The following PAGE4 variants were observed in gnomAD, a reference collection of about 807,000 sequenced individuals.
PAGE4 encodes the protein PAGE family member 4.
PAGE4 carries 1 observed loss-of-function variant against 8.5 expected under a neutral mutation model. The observed-to-expected ratio is 0.12, with a 90% confidence interval of 0.04 to 0.56. The LOEUF is 0.56. Ranked by LOEUF, PAGE4 falls within the 20% of genes least tolerant of loss-of-function variation. The probability of loss-of-function intolerance (pLI) is 0.91; values close to 1 mark genes in which losing one functional copy is unlikely to be tolerated. For missense variants in PAGE4, 93 were observed against 82.7 expected (o/e 1.13, Z -0.49); for synonymous variants, 26 against 26.3 (o/e 0.99, Z 0.04).
intron 1 of PAGE4, chrX:49,830,179 AC>A: frequency 3.2e-6 from 1 of 307,776 alleles, no homozygotes; most frequent in Non-Finnish European, 5.6e-6. Flanking sequence ...TTTAGGAAAG[AC>A]CCCATGTTTT....
chrX:49,831,788 T>C (rs1181410073), intron 3 of PAGE4, among the ~76,000 whole-genome samples: 2 of 112,173 alleles, frequency 1.8e-5, no homozygotes, highest in Non-Finnish European at 3.8e-5. Context: ...CTGTTTACTC[T>C]GTAAGTAATT....
chrX:49,831,906 A>G (rs1602883444), intron 3 of PAGE4, among the ~76,000 whole-genome samples: 1 of 111,932 alleles, frequency 8.9e-6, no homozygotes, highest in Non-Finnish European at 1.9e-5. Flanking sequence ...AGTCCATTGC[A>G]GTTTTGTCAA....
At chrX:49,831,410 A>T (rs1431234798) in intron 3 of PAGE4, 3 of 214,850 alleles carry the variant, frequency 1.4e-5, no homozygotes, top group Non-Finnish European at 2.4e-5. Flanking sequence ...TTGGGATATT[A>T]TTTTTCTGGG....
At chrX:49,830,581 C>A in intron 2 of PAGE4, 75 bp downstream of exon 2, 1 of 716,448 alleles carries the variant, frequency 1.4e-6, no homozygotes, top group South Asian at 2.6e-5. Context: ...ACATTGTTAA[C>A]CAATATAGAT....
At position 49,830,433 on chromosome X, in the gene PAGE4, G is replaced by A; in HGVS notation, c.5G>A (p.Ser2Asn). 1.7e-6 allele frequency: 2 copies of A among 1,198,941 alleles called. No homozygotes were observed. Among genetic ancestry groups the A allele is most frequent in the South Asian group, 3.6e-5 (2 of 55,638 alleles). Residue 2 changes from serine to asparagine, a missense_variant, in exon 2 of 5, where the codon AGT (serine) becomes AAT (asparagine). Coordinates refer to ENST00000218068, the MANE Select transcript of PAGE4 (RefSeq NM_007003.4). The stretch of plus-strand genomic sequence containing the variant: ...CACGATCTTCTAGTTGCAGCGATGA[G>A]TGCACGAGTGAGATCAAGATCCAGA... MSARVRSRSRGR... is the reference protein window; with the variant it reads MNARVRSRSRGR...
Position 49,834,001 on chromosome X carries a change from A to G in PAGE4, c.*139A>G, listed in dbSNP as rs1923553975. 4.3e-6 allele frequency: 2 copies of G among 463,941 alleles called. No individual in the cohort carries two copies. Among genetic ancestry groups the G allele is most frequent in the Admixed American group, 3.6e-5 (1 of 27,941 alleles). The allele number at this position is 463,941 out of a possible 1,213,427, so 38.2% of individuals were successfully genotyped here. A position where few individuals can be genotyped will look rare whatever the true frequency, so the allele number is the denominator to read the frequency against. ...CGTGTCTTTTGTAAAATTTATTCCT[A>G]GGAAATTGACACTATTGTAAATGGT... On this transcript the variant is annotated 3_prime_UTR_variant, in exon 5 of 5. Transcript: ENST00000218068.
Position 49,834,153 on chromosome X carries a change from C to T in PAGE4, c.*291C>T, listed in dbSNP as rs1471264000. Among the ~76,000 whole-genome samples the T allele has an allele frequency of 2.7e-5, 3 of 111,719 alleles. No individual in the cohort carries two copies. The Admixed American group carries it at 2.8e-4, about 11-fold the overall frequency. On this transcript the variant is annotated 3_prime_UTR_variant, in exon 5 of 5. Transcript: ENST00000218068. ...ATCCCTACGTCCTTTTGGATTTTCTCCATACACAATCATACCACATGTAAA... is the reference window on the plus strand; with the variant it reads ...ATCCCTACGTCCTTTTGGATTTTCTTCATACACAATCATACCACATGTAAA...
In PAGE4 at chrX:49,831,073, C is replaced by G; in HGVS notation, c.155C>G (p.Pro52Arg). 1 of 1,168,081 alleles carries G rather than the reference C, an allele frequency of 8.6e-7. No homozygotes were observed. The highest frequency in any genetic ancestry group is 1.8e-5 in the African/African-American group (1 of 56,653). ...IEPGQEREGTPPIEERKVEGD... is the reference protein window; with the variant it reads ...IEPGQEREGTRPIEERKVEGD... ...CCTGGACAAGAGAGAGAAGGAACAC[C>G]TCCGATCGAAGGTGAGAAGGGCATG... The change falls in exon 3 of 5, where the codon CCT (proline) becomes CGT (arginine). Residue 52 changes from proline to arginine, a missense_variant. By Grantham distance (103) the Pro-to-Arg change is moderately radical. Transcript: ENST00000218068.
At chrX:49,832,447 G>A in intron 3 of PAGE4, 78 bp from the exon 4 acceptor site, 2 of 651,180 alleles carry the variant, frequency 3.1e-6, no homozygotes, top group Non-Finnish European at 4.6e-6. Context: ...TAGAATACAA[G>A]CCTACAGAGC....
chrX:49,832,463 TTAA>T (rs1287572220), intron 3 of PAGE4, 59 bp from the exon 4 acceptor site: 2 of 793,421 alleles, frequency 2.5e-6, no homozygotes, highest in Admixed American at 6.8e-5. Flanking sequence ...AGAGCTTTAT[TTAA>T]TAACACTAAT....
rs73485697 is a variant in PAGE4, at chrX:49,829,328, G to C, written c.-54G>C. On this transcript the variant is annotated 5_prime_UTR_variant, in exon 1 of 5. Coordinates refer to ENST00000218068, the MANE Select transcript of PAGE4 (RefSeq NM_007003.4). ...GCCACTTCTCTTCCCTTCATTCTTC[G>C]CCAGGCTCTCTGCTGACTCAAGTGT... 2.7e-5 allele frequency: 3 copies of C among 112,303 alleles called. No homozygotes were observed. The highest frequency in any genetic ancestry group is 9.8e-5 in the African/African-American group (3 of 30,723). The allele number at this position is 112,303 out of a possible 1,213,427, so 9.3% of individuals were successfully genotyped here.
rs1923507774 is a variant in PAGE4, at chrX:49,832,546, G to C, written c.188G>C (p.Cys63Ser). The C allele has an allele frequency of 8.4e-7, 1 of 1,188,932 alleles. No individual in the cohort carries two copies. Residue 63 changes from cysteine (C) to serine (S), a missense_variant, in exon 4 of 5, where the codon TGC (cysteine) becomes TCC (serine). Physicochemically the swap from Cys to Ser is moderately radical, Grantham distance 112. Coordinates refer to ENST00000218068, the MANE Select transcript of PAGE4 (RefSeq NM_007003.4). Reference sequence around the variant, plus strand: ...TAAGAACGTAAAGTAGAAGGTGATTGCCAGGAAATGGATCTGGAAAAGACT... The same window carrying C: ...TAAGAACGTAAAGTAGAAGGTGATTCCCAGGAAATGGATCTGGAAAAGACT... Reference protein sequence around the residue: ...PIEERKVEGDCQEMDLEKTRS... With the variant: ...PIEERKVEGDSQEMDLEKTRS...
At position 49,833,321 on chromosome X, in the gene PAGE4, A is replaced by T. The variant is rs138780204; in HGVS notation, c.293-525A>T. Among the ~76,000 whole-genome samples, 779 of 112,177 alleles carry T rather than the reference A, an allele frequency of 6.9e-3. 6 individuals carry two copies. Among genetic ancestry groups the T allele is most frequent in the African/African-American group, 0.024 (756 of 30,997 alleles). On this transcript the variant is annotated intron_variant, in intron 4 of 4. Transcript: ENST00000218068. ...GGCCACCCTGGTATAAAGAATCCAC[A>T]TAAAGATTTAACTAGATCAATGAAT...
chrX:49,832,477 T>C (rs1923504366), intron 3 of PAGE4, 48 bp from the exon 4 acceptor site: 3 of 896,273 alleles, frequency 3.3e-6, no homozygotes, highest in East Asian at 7.0e-5. Flanking sequence ...TAACACTAAT[T>C]TATAATTTAC....
At chrX:49,832,707 T>G in intron 4 of PAGE4, 57 bp downstream of exon 4, 3 of 1,004,066 alleles carry the variant, frequency 3.0e-6, no homozygotes, top group Non-Finnish European at 4.1e-6. Context: ...ATAATATACT[T>G]TAATAACAAG....
rs1923441830 is a variant in PAGE4 at position 49,830,438 on chromosome X, C to A, written c.10C>A (p.Arg4=). Residue 4 remains arginine (R), a synonymous_variant, in exon 2 of 5, where the codon CGA becomes AGA. Coordinates refer to ENST00000218068, the MANE Select transcript of PAGE4 (RefSeq NM_007003.4). The stretch of plus-strand genomic sequence containing the variant: ...TCTTCTAGTTGCAGCGATGAGTGCA[C>A]GAGTGAGATCAAGATCCAGAGGAAG... MSA[R]VRSRSRGRGD... 1 of 1,199,209 alleles carries A rather than the reference C, an allele frequency of 8.3e-7. No homozygotes were observed. Among genetic ancestry groups the A allele is most frequent in the Admixed American group, 2.2e-5 (1 of 45,390 alleles).
chrX:49,830,917 T>G (rs1788747058), intron 2 of PAGE4, 80 bp from the exon 3 acceptor site: 1 of 608,705 alleles, frequency 1.6e-6, no homozygotes, highest in South Asian at 2.6e-5. Context: ...CTTCACATAG[T>G]ATGTATATTT....
At chrX:49,830,039 A>G (rs1365811194) in intron 1 of PAGE4, 10 of 118,715 alleles carry the variant, frequency 8.4e-5, no homozygotes, top group African/African-American at 2.9e-4. Context: ...TGAGTCCCAG[A>G]GGCACCTGAA....
Position 49,831,080 on chromosome X carries a change from C to A in PAGE4, c.162C>A (p.Ile54=). 8.7e-7 allele frequency: 1 copy of A among 1,155,016 alleles called. No individual in the cohort carries two copies. The highest frequency in any genetic ancestry group is 1.9e-5 in the South Asian group (1 of 51,931). Residue 54 remains isoleucine, a synonymous_variant, in exon 3 of 5, where the codon ATC becomes ATA. Transcript: ENST00000218068. ...AAGAGAGAGAAGGAACACCTCCGAT[C>A]GAAGGTGAGAAGGGCATGGAGGAGC... is the stretch of plus-strand genomic sequence containing the variant. ...PGQEREGTPP[I]EERKVEGDCQ... is the part of the protein sequence containing the mutation.
Sources: allele counts gnomAD v4.1 joint callset (sites outside exome capture counted in the v4.1 genomes callset), GRCh38; gene constraint gnomAD v4.1.1; transcripts MANE v1.5; gene names NCBI Gene and HGNC (gene_info 2026-07-23, HGNC 2026-07-21).